ALLC: variants seen among roughly 807,000 people sequenced by gnomAD.
ALLC encodes allantoicase.
ALLC carries 40 observed loss-of-function variants against 45.0 expected under a neutral mutation model. That is an observed-to-expected ratio of 0.89 (90% CI 0.69 to 1.16). The LOEUF is 1.16. Among genes scored for constraint, ALLC ranks in the 50% most tolerant of loss-of-function variants. ALLC has a pLI of 0.00. For missense variants in ALLC, 488 were observed against 493.1 expected, an observed-to-expected ratio of 0.99 and a Z score of 0.10; for synonymous variants, 176 against 178.1, an observed-to-expected ratio of 0.99 and a Z score of 0.09.
Position 3,681,689 on chromosome 2 carries a change from T to C in ALLC, c.354T>C (p.Pro118=). The C allele has an allele frequency of 6.2e-7, 1 of 1,610,650 alleles. No individual in the cohort carries two copies. Among genetic ancestry groups the C allele is most frequent in the Non-Finnish European group, 8.5e-7 (1 of 1,178,310 alleles). The change falls in exon 6 of 12, where the codon CCT becomes CCC. Residue 118 remains proline (P), a synonymous_variant. Coordinates refer to ENST00000252505, the MANE Select transcript of ALLC (RefSeq NM_018436.4). ...CCAGGACAGGAGCTGCAGCCACTCC[T>C]GAGGAGTTTGAAGCCATTGCTGAGG... ...RGTRTGAAAT[P]EEFEAIAELK...
chr2:3,666,806 C>T (rs1176960495), intron 1 of ALLC, among the ~76,000 whole-genome samples: 1 of 152,132 alleles, frequency 6.6e-6, no homozygotes, highest in Non-Finnish European at 1.5e-5. Flanking sequence ...GGTGGGTGAG[C>T]TCTGCGTCGT....
At chr2:3,651,390 T>C in the ALLC span, among the ~76,000 whole-genome samples, 2 of 18,378 alleles carry the variant, frequency 1.1e-4, no homozygotes, top group African/African-American at 5.2e-4. Context: ...TGTGTGTGTG[T>C]GTGTGTGTGT....
At chr2:3,695,668 A>G (rs1340105031) in intron 7 of ALLC, 49 bp from the exon 8 acceptor site, 1 of 1,610,454 alleles carries the variant, frequency 6.2e-7, no homozygotes, top group African/African-American at 1.3e-5. Context: ...TGTATGATAC[A>G]CAAGCAGCCA....
At chr2:3,674,201 C>A in intron 3 of ALLC, 76 bp downstream of exon 3, 1 of 1,133,444 alleles carries the variant, frequency 8.8e-7, no homozygotes, top group South Asian at 1.4e-5. Flanking sequence ...TAAAATCTCC[C>A]TGTATATTTG....
At chr2:3,678,871 C>T (rs1029023032) in intron 4 of ALLC, among the ~76,000 whole-genome samples, 9 of 152,200 alleles carry the variant, frequency 5.9e-5, no homozygotes, top group Non-Finnish European at 8.8e-5. Context: ...CAGCGTGCAT[C>T]TTCTGGGTCC....
chr2:3,661,485 C>G (rs774006249), intron 1 of ALLC, among the ~76,000 whole-genome samples: 4 of 152,080 alleles, frequency 2.6e-5, no homozygotes, highest in Non-Finnish European at 4.4e-5. Flanking sequence ...TGCTTGGGGC[C>G]CAGGACCATC....
the ALLC span, among the ~76,000 whole-genome samples, chr2:3,650,719 A>G: frequency 3.3e-5 from 5 of 152,020 alleles, no homozygotes; most frequent in Admixed American, 3.3e-4. Flanking sequence ...CTCTGCCTCC[A>G]CACTACCCCT....
chr2:3,683,622 T>C (rs978457799), intron 7 of ALLC, among the ~76,000 whole-genome samples: 3 of 152,252 alleles, frequency 2.0e-5, no homozygotes, highest in Admixed American at 1.3e-4. Flanking sequence ...TTTTGGACAT[T>C]TCATATAAGT....
At chr2:3,654,567 A>T (rs1301828796), upstream of ALLC, among the ~76,000 whole-genome samples, 2 of 152,184 alleles carry the variant, frequency 1.3e-5, no homozygotes, top group Non-Finnish European at 2.9e-5. Flanking sequence ...CCACACATTC[A>T]GGTTATCATC....
At chr2:3,692,558 A>G (rs1283368824) in intron 7 of ALLC, among the ~76,000 whole-genome samples, 1 of 152,216 alleles carries the variant, frequency 6.6e-6, no homozygotes, top group East Asian at 1.9e-4. Flanking sequence ...TTTCAGCACT[A>G]GATGGCACCT....
intron 1 of ALLC, among the ~76,000 whole-genome samples, chr2:3,664,756 G>A (rs138650285): frequency 8.6e-5 from 13 of 151,716 alleles, no homozygotes; most frequent in Non-Finnish European, 1.3e-4. Flanking sequence ...GTGGTGGTGC[G>A]CACCTGTAAT....
chr2:3,672,695 C>A (rs1001210416), intron 2 of ALLC, among the ~76,000 whole-genome samples: 6 of 130,526 alleles, frequency 4.6e-5, no homozygotes, highest in African/African-American at 1.5e-4. Flanking sequence ...CTGGTTAGAT[C>A]GGAAGTCCTC....
At chr2:3,701,145 A>C (rs905740862) in intron 10 of ALLC, among the ~76,000 whole-genome samples, 1 of 152,228 alleles carries the variant, frequency 6.6e-6, no homozygotes, top group Non-Finnish European at 1.5e-5. Context: ...CCAGCTTCAT[A>C]ATAATTTCAG....
chr2:3,679,485 G>A (rs1347836521), intron 4 of ALLC, among the ~76,000 whole-genome samples: 1 of 152,196 alleles, frequency 6.6e-6, no homozygotes, highest in East Asian at 1.9e-4. Context: ...CGCACACTCA[G>A]TCTAAGCTTT....
intron 2 of ALLC, among the ~76,000 whole-genome samples, chr2:3,672,084 G>GCT (rs1666892006): frequency 8.8e-6 from 1 of 113,666 alleles, no homozygotes; most frequent in Non-Finnish European, 1.8e-5. Context: ...AGGTCCTCTG[G>GCT]CTGTGGTTAG....
chr2:3,682,772 G>T (rs6714670), intron 6 of ALLC, among the ~76,000 whole-genome samples, 170 bp from the exon 7 acceptor site: 12 of 151,972 alleles, frequency 7.9e-5, no homozygotes, highest in African/African-American at 2.9e-4. Context: ...TGATCCGCCC[G>T]CCTCGGCCTC....
chr2:3,670,328 T>C (rs1666830473), intron 1 of ALLC, among the ~76,000 whole-genome samples: 1 of 152,234 alleles, frequency 6.6e-6, no homozygotes, highest in African/African-American at 2.4e-5. Flanking sequence ...TTTTGTGTAG[T>C]TTTTCTCTTT....
intron 7 of ALLC, 43 bp downstream of exon 7, chr2:3,683,117 AT>A: frequency 6.3e-7 from 1 of 1,576,228 alleles, no homozygotes; most frequent in Non-Finnish European, 8.6e-7. Context: ...TGGCTTCTTT[AT>A]TTTATGTTGA....
upstream of ALLC, among the ~76,000 whole-genome samples, chr2:3,654,797 G>A (rs12711954): frequency 0.056 from 8,600 of 152,332 alleles, 349 homozygotes; most frequent in East Asian, 0.21. Context: ...CCCTGGGGTC[G>A]TGTCACAGAC....
Sources: allele counts gnomAD v4.1 joint callset (sites outside exome capture counted in the v4.1 genomes callset), GRCh38; gene constraint gnomAD v4.1.1; transcripts MANE v1.5; gene names NCBI Gene and HGNC (gene_info 2026-07-23, HGNC 2026-07-21).